Variants in MAGI2 observed in about 807,000 individuals in gnomAD.
MAGI2 encodes the protein membrane-associated guanylate kinase, WW and PDZ domain-containing protein 2.
In MAGI2, 35 loss-of-function variants were observed where a neutral mutation model predicts 133.3. The observed-to-expected ratio is 0.26, with a 90% CI of 0.20 to 0.35. The LOEUF (loss-of-function observed/expected upper bound fraction) is 0.35, where lower values mean the gene tolerates loss of function less well. MAGI2 is among the 10% of genes least tolerant of loss of function. The pLI is 1.00. For missense variants in MAGI2, 1,636 were observed against 1,863.4 expected (o/e 0.88, Z 2.25); for synonymous variants, 729 against 710.6 (o/e 1.03, Z -0.41).
intron 2 of MAGI2, among the ~76,000 whole-genome samples, chr7:78,749,445 G>T (rs1423850129): frequency 6.6e-6 from 1 of 152,158 alleles, no homozygotes; most frequent in South Asian, 2.1e-4. Context: ...TAATAAGCAC[G>T]TGGAGAAAAG....
chr7:78,949,773 A>G (rs982170059), intron 2 of MAGI2, among the ~76,000 whole-genome samples: 18 of 152,194 alleles, frequency 1.2e-4, no homozygotes, highest in African/African-American at 4.3e-4. Context: ...CTACCTGGTG[A>G]CAGCCATGAA....
chr7:78,454,547 T>C (rs1789096188), intron 6 of MAGI2, among the ~76,000 whole-genome samples: 1 of 152,180 alleles, frequency 6.6e-6, no homozygotes. Flanking sequence ...TATCATATGA[T>C]CCAGCAATCG....
chr7:78,204,793 T>A (rs1428951404), intron 10 of MAGI2, among the ~76,000 whole-genome samples: 1 of 152,168 alleles, frequency 6.6e-6, no homozygotes, highest in African/African-American at 2.4e-5. Flanking sequence ...AAATGAAATA[T>A]GGATAAGAAC....
At chr7:78,798,172 A>G (rs553006974) in intron 2 of MAGI2, among the ~76,000 whole-genome samples, 10 of 152,302 alleles carry the variant, frequency 6.6e-5, no homozygotes, top group South Asian at 4.1e-4. Context: ...CGCAGGCTGC[A>G]TTCTGGATTG....
intron 1 of MAGI2, among the ~76,000 whole-genome samples, chr7:79,155,658 G>A (rs577452770): frequency 1.4e-3 from 211 of 152,094 alleles, no homozygotes; most frequent in Non-Finnish European, 2.6e-3. Context: ...GTGTGTTTTA[G>A]ACAGAGGGTA....
chr7:78,041,717 G>C (rs1563041987), intron 21 of MAGI2, among the ~76,000 whole-genome samples: 1 of 152,112 alleles, frequency 6.6e-6, no homozygotes, highest in Non-Finnish European at 1.5e-5. Context: ...ACAAAAGGCT[G>C]GAAAGTCAGC....
At chr7:78,705,457 A>C (rs779515567) in intron 2 of MAGI2, among the ~76,000 whole-genome samples, 1 of 152,122 alleles carries the variant, frequency 6.6e-6, no homozygotes, top group Non-Finnish European at 1.5e-5. Context: ...AGCAGTGTGA[A>C]AATTGACTAA....
chr7:79,096,197 A>G (rs1817496313), intron 1 of MAGI2, among the ~76,000 whole-genome samples: 1 of 152,174 alleles, frequency 6.6e-6, no homozygotes, highest in African/African-American at 2.4e-5. Context: ...CTTCAATTAA[A>G]TTAGACCAAT....
intron 2 of MAGI2, among the ~76,000 whole-genome samples, chr7:78,773,222 G>C (rs1451620622): frequency 6.6e-6 from 1 of 151,988 alleles, no homozygotes; most frequent in Non-Finnish European, 1.5e-5. Flanking sequence ...TATTCTAACA[G>C]AGACTTGATG....
intron 1 of MAGI2, among the ~76,000 whole-genome samples, chr7:79,028,203 T>A (rs1810094397): frequency 1.3e-5 from 1 of 80,000 alleles, no homozygotes; most frequent in Non-Finnish European, 2.6e-5. Context: ...AAAGCGAGAC[T>A]CCATCTCAAA....
intron 1 of MAGI2, among the ~76,000 whole-genome samples, chr7:79,296,812 C>T (rs1836967168): frequency 6.6e-6 from 1 of 152,048 alleles, no homozygotes; most frequent in Non-Finnish European, 1.5e-5. Flanking sequence ...TGGTGTTCTA[C>T]TTCACAATAG....
chr7:78,592,445 C>T (rs965818454), intron 3 of MAGI2, among the ~76,000 whole-genome samples: 38 of 151,322 alleles, frequency 2.5e-4, no homozygotes, highest in African/African-American at 9.0e-4. Context: ...AGCACAAAAG[C>T]AGCCATAGAT....
intron 10 of MAGI2, among the ~76,000 whole-genome samples, chr7:78,212,237 T>G (rs1563269734): frequency 6.6e-6 from 1 of 152,202 alleles, no homozygotes; most frequent in African/African-American, 2.4e-5. Flanking sequence ...CACAAAGATA[T>G]CCACATGCTT....
chr7:78,670,721 G>A (rs1046216623), intron 2 of MAGI2, among the ~76,000 whole-genome samples: 1 of 152,124 alleles, frequency 6.6e-6, no homozygotes, highest in Non-Finnish European at 1.5e-5. Context: ...TACCAAAACA[G>A]AGATATAGAT....
intron 1 of MAGI2, among the ~76,000 whole-genome samples, chr7:79,070,585 G>T (rs182442992): frequency 2.0e-5 from 3 of 151,726 alleles, no homozygotes; most frequent in Non-Finnish European, 4.4e-5. Context: ...TCCACCTCCC[G>T]GGTTTACACC....
chr7:78,627,887 C>A (rs1808543375), intron 2 of MAGI2, among the ~76,000 whole-genome samples: 1 of 152,204 alleles, frequency 6.6e-6, no homozygotes, highest in Admixed American at 6.5e-5. Context: ...AGAAAACTTT[C>A]TCTGACTCCA....
intron 6 of MAGI2, among the ~76,000 whole-genome samples, chr7:78,397,343 T>C (rs1796438177): frequency 6.8e-6 from 1 of 147,404 alleles, no homozygotes; most frequent in Admixed American, 7.0e-5. Flanking sequence ...AGTAAAAATG[T>C]ATAATATCAC....
At chr7:78,641,822 T>C (rs1207176187) in intron 2 of MAGI2, among the ~76,000 whole-genome samples, 1 of 152,062 alleles carries the variant, frequency 6.6e-6, no homozygotes, top group Non-Finnish European at 1.5e-5. Flanking sequence ...GGATTGTTCT[T>C]ATGCAATCTT....
intron 20 of MAGI2, among the ~76,000 whole-genome samples, chr7:78,118,916 C>T (rs539384549): frequency 1.3e-5 from 2 of 152,228 alleles, no homozygotes; most frequent in Non-Finnish European, 2.9e-5. Context: ...TTGATAGCAG[C>T]TCTATTCATA....
Sources: allele counts gnomAD v4.1 joint callset (sites outside exome capture counted in the v4.1 genomes callset), GRCh38; gene constraint gnomAD v4.1.1; transcripts MANE v1.5; gene names NCBI Gene and HGNC (gene_info 2026-07-23, HGNC 2026-07-21).